The following SNTG1 variants were observed in gnomAD, a reference collection of about 807,000 sequenced individuals.
SNTG1 encodes the protein gamma-1-syntrophin.
A neutral mutation model predicts 74.7 loss-of-function variants in SNTG1; 39 were observed. The ratio of observed to expected loss-of-function variants is 0.52; its 90% CI spans 0.40 to 0.68. SNTG1 has a LOEUF of 0.68. SNTG1 is among the 30% of genes least tolerant of loss of function. The pLI, the probability that SNTG1 is intolerant of heterozygous loss-of-function variation, is 0.00. For missense variants in SNTG1, 685 were observed against 609.5 expected, an observed-to-expected ratio of 1.12 and a Z score of -1.30; for synonymous variants, 254 against 217.1, an observed-to-expected ratio of 1.17 and a Z score of -1.49.
At chr8:50,586,296 A>G (rs961755414) in intron 12 of SNTG1, among the ~76,000 whole-genome samples, 2 of 152,196 alleles carry the variant, frequency 1.3e-5, no homozygotes, top group African/African-American at 2.4e-5. Flanking sequence ...AGTTAATGTC[A>G]TTATTGATGT....
chr8:50,729,892 C>T (rs906656), intron 17 of SNTG1, among the ~76,000 whole-genome samples: 103,993 of 151,914 alleles, frequency 0.68, 35,728 homozygotes, highest in East Asian at 0.74. Context: ...CAACTGTGAC[C>T]AAGGAATTCA....
chr8:50,358,783 C>T (rs1045624520), intron 2 of SNTG1, among the ~76,000 whole-genome samples: 2 of 152,092 alleles, frequency 1.3e-5, no homozygotes, highest in Non-Finnish European at 2.9e-5. Flanking sequence ...GAAAAATTAC[C>T]ACTTTCAATG....
chr8:50,549,056 G>A (rs753652099), intron 11 of SNTG1, among the ~76,000 whole-genome samples: 4 of 152,120 alleles, frequency 2.6e-5, no homozygotes, highest in Non-Finnish European at 5.9e-5. Context: ...GGAGAAAGAC[G>A]CTGTTGCAAA....
chr8:50,153,402 C>T (rs1161196353), intron 1 of SNTG1, among the ~76,000 whole-genome samples: 2 of 152,194 alleles, frequency 1.3e-5, no homozygotes, highest in African/African-American at 2.4e-5. Flanking sequence ...TCTCTCAACT[C>T]GTCAGCATCA....
At chr8:50,384,850 T>G (rs936938081) in intron 2 of SNTG1, among the ~76,000 whole-genome samples, 1 of 152,118 alleles carries the variant, frequency 6.6e-6, no homozygotes, top group Non-Finnish European at 1.5e-5. Flanking sequence ...TTGAGCCCGA[T>G]CACTTCCATT....
At chr8:50,737,702 T>C (rs894289124) in intron 17 of SNTG1, among the ~76,000 whole-genome samples, 11 of 152,126 alleles carry the variant, frequency 7.2e-5, no homozygotes, top group African/African-American at 2.7e-4. Context: ...ATCAAAAAGC[T>C]TGTCCACCAT....
At chr8:50,702,152 T>A (rs2095428465) in intron 15 of SNTG1, among the ~76,000 whole-genome samples, 1 of 151,426 alleles carries the variant, frequency 6.6e-6, no homozygotes, top group Admixed American at 6.6e-5. Context: ...GCGCCCAGCC[T>A]CTTATTTTTT....
intron 4 of SNTG1, among the ~76,000 whole-genome samples, chr8:50,427,947 T>C (rs1456344037): frequency 6.6e-6 from 1 of 152,102 alleles, no homozygotes; most frequent in Non-Finnish European, 1.5e-5. Context: ...AGAGAAACAG[T>C]AGATTAGACA....
intron 17 of SNTG1, among the ~76,000 whole-genome samples, chr8:50,725,849 C>A (rs992633620): frequency 1.3e-5 from 2 of 152,170 alleles, no homozygotes; most frequent in African/African-American, 4.8e-5. Context: ...TAAATTTTGA[C>A]CACCAAAAAC....
chr8:50,199,609 G>A (rs1363679100), intron 2 of SNTG1, among the ~76,000 whole-genome samples: 2 of 152,102 alleles, frequency 1.3e-5, no homozygotes, highest in African/African-American at 4.8e-5. Context: ...GAAATATGTG[G>A]CAGGACAAGC....
chr8:50,146,004 T>C (rs948460973), intron 1 of SNTG1, among the ~76,000 whole-genome samples: 1 of 151,616 alleles, frequency 6.6e-6, no homozygotes, highest in Non-Finnish European at 1.5e-5. Flanking sequence ...TGGAAACTTG[T>C]AGAAATATAG....
chr8:50,258,463 G>A (rs2086990030), intron 2 of SNTG1, among the ~76,000 whole-genome samples: 1 of 152,092 alleles, frequency 6.6e-6, no homozygotes, highest in Non-Finnish European at 1.5e-5. Flanking sequence ...TTGTTTTTGA[G>A]GGGTCATAGA....
At chr8:49,971,919 T>C (rs988063414) in intron 1 of SNTG1, among the ~76,000 whole-genome samples, 1 of 152,068 alleles carries the variant, frequency 6.6e-6, no homozygotes, top group Non-Finnish European at 1.5e-5. Context: ...AGAATCAATA[T>C]CATGAAAATG....
At chr8:50,403,893 G>A (rs1291129105) in intron 4 of SNTG1, among the ~76,000 whole-genome samples, 4 of 152,272 alleles carry the variant, frequency 2.6e-5, no homozygotes, top group Admixed American at 6.5e-5. Context: ...GAGATTGAAA[G>A]CAAGTCAAGG....
chr8:50,377,260 T>C (rs181365642), intron 2 of SNTG1, among the ~76,000 whole-genome samples: 3 of 152,208 alleles, frequency 2.0e-5, no homozygotes, highest in Admixed American at 1.3e-4. Context: ...AGAAAAAAAA[T>C]GGAATGTGTA....
intron 15 of SNTG1, among the ~76,000 whole-genome samples, 200 bp from the exon 16 acceptor site, chr8:50,704,381 ACTTCTATTTTATGGACATG>A (rs1315134090): frequency 6.6e-6 from 1 of 152,106 alleles, no homozygotes; most frequent in Non-Finnish European, 1.5e-5. Context: ...AGAAACCCTA[ACTTCTATTTTATGGACATG>A]CTTCAGTGTA....
chr8:49,954,899 T>C (rs1810024305), intron 1 of SNTG1, among the ~76,000 whole-genome samples: 1 of 152,202 alleles, frequency 6.6e-6, no homozygotes. Context: ...GATCAATATA[T>C]GCTAAATGTT....
intron 15 of SNTG1, among the ~76,000 whole-genome samples, chr8:50,693,018 G>A (rs1405562050): frequency 6.6e-6 from 1 of 152,146 alleles, no homozygotes; most frequent in Non-Finnish European, 1.5e-5. Context: ...TGTTAGCAAT[G>A]AGCAAGACTC....
At chr8:50,293,685 C>T (rs1479222362) in intron 2 of SNTG1, among the ~76,000 whole-genome samples, 1 of 152,118 alleles carries the variant, frequency 6.6e-6, no homozygotes, top group African/African-American at 2.4e-5. Context: ...GCTGGGATTA[C>T]AGGCGTGAGC....
Sources: gnomAD v4.1 joint callset for allele counts (sites outside exome capture counted in the v4.1 genomes callset) on GRCh38, gnomAD v4.1.1 for gene constraint, MANE v1.5 for transcripts, NCBI Gene and HGNC (gene_info 2026-07-23, HGNC 2026-07-21) for gene names.